The following TUBGCP2 variants were observed in gnomAD, a reference collection of about 807,000 sequenced individuals.
TUBGCP2 encodes tubulin gamma complex component 2.
TUBGCP2 carries 55 observed loss-of-function variants against 92.2 expected under a neutral mutation model. The ratio of observed to expected loss-of-function variants is 0.60; its 90% CI spans 0.48 to 0.75. TUBGCP2 has a LOEUF of 0.75. TUBGCP2 is among the 30% of genes least tolerant of loss of function. TUBGCP2 has a pLI of 0.00. For missense variants in TUBGCP2, 1,093 were observed against 1,188.9 expected, an observed-to-expected ratio of 0.92 and a Z score of 1.19; for synonymous variants, 533 against 505.2, an observed-to-expected ratio of 1.06 and a Z score of -0.74.
At position 133,285,198 on chromosome 10, in the gene TUBGCP2, G is replaced by A. The variant is rs752405920; in HGVS notation, c.1911C>T (p.Arg637=). Residue 637 remains arginine (R), a synonymous_variant, in exon 13 of 18, where the codon CGC becomes CGT. Coordinates refer to ENST00000252936, the MANE Select transcript of TUBGCP2 (RefSeq NM_006659.4). The surrounding 1 kb of genome is among the most constrained non-coding windows in gnomAD (Gnocchi z 6.8). ...ACATGTGCCTGAAGAGCATCTGGTA[G>A]CGAGTGAGGGCTTTCCTGCAAGAGA... ...SLIINRKALT[R]YQMLFRHMFY... The A allele has an allele frequency of 6.2e-7, 1 of 1,612,780 alleles. No individual in the cohort carries two copies. The highest frequency in any genetic ancestry group is 1.1e-5 in the South Asian group (1 of 91,058).
chr10:133,310,097 T>G, upstream of TUBGCP2: 2 of 1,611,534 alleles, frequency 1.2e-6, no homozygotes, highest in South Asian at 1.1e-5. Flanking sequence ...TTGGCAGCTC[T>G]GCTACGGGGG....
At chr10:133,293,515 C>T (rs1847414026) in intron 6 of TUBGCP2, 47 bp downstream of exon 6, 2 of 1,538,430 alleles carry the variant, frequency 1.3e-6, no homozygotes, top group East Asian at 4.9e-5. Flanking sequence ...GACCTAACCC[C>T]TCCCCCACAA....
intron 1 of TUBGCP2, chr10:133,308,380 C>T (rs1847879286): frequency 6.6e-6 from 1 of 152,244 alleles, no homozygotes; most frequent in Admixed American, 6.5e-5. Flanking sequence ...ACTAAAGTAA[C>T]GGGAAGTCAC....
At chr10:133,308,909 TG>T, upstream of TUBGCP2, 4 of 1,209,038 alleles carry the variant, frequency 3.3e-6, no homozygotes, top group Non-Finnish European at 4.1e-6. Flanking sequence ...TCGCGGACGG[TG>T]GCCGACAGGC....
upstream of TUBGCP2, chr10:133,312,133 G>T: frequency 6.9e-7 from 1 of 1,439,068 alleles, no homozygotes; most frequent in Non-Finnish European, 9.1e-7. Context: ...AGTTGCTTCA[G>T]TCACAACCCA....
upstream of TUBGCP2, chr10:133,312,215 C>T (rs1018020429): frequency 6.5e-6 from 9 of 1,391,432 alleles, no homozygotes; most frequent in South Asian, 4.7e-5. Flanking sequence ...GCGTTTCTAG[C>T]GTCACCTGTG....
rs1847093940 is a variant in TUBGCP2 at position 133,285,013 on chromosome 10, G to A, written c.2024+72C>T. 1.1e-5 allele frequency: 17 copies of A among 1,523,798 alleles called. No individual in the cohort carries two copies. The highest frequency in any genetic ancestry group is 6.3e-5 in the South Asian group (5 of 78,824). The allele number at this position is 1,523,798 out of a possible 1,614,324, so 94.4% of individuals were successfully genotyped here. A position where few individuals can be genotyped will look rare whatever the true frequency, so the allele number is the denominator to read the frequency against. ...TGTCTACCAGGAGGGCACAAGGGGG[G>A]CGCTGCACCACTGGGCAGAGTGCAG... On this transcript the variant is annotated intron_variant, in intron 13 of 17. Coordinates refer to ENST00000252936, the MANE Select transcript of TUBGCP2 (RefSeq NM_006659.4). The surrounding 1 kb of genome is among the most constrained non-coding windows in gnomAD (Gnocchi z 6.8).
chr10:133,308,293 C>A (rs1847876618), intron 1 of TUBGCP2, among the ~76,000 whole-genome samples: 1 of 152,244 alleles, frequency 6.6e-6, no homozygotes, highest in African/African-American at 2.4e-5. Context: ...GCACCTAGCA[C>A]AGGTCCTGTG....
chr10:133,294,766 C>A (rs1328774562), intron 5 of TUBGCP2, among the ~76,000 whole-genome samples: 2 of 152,148 alleles, frequency 1.3e-5, no homozygotes, highest in Non-Finnish European at 2.9e-5. Context: ...CTGGCACGTG[C>A]CACCATTCCT....
chr10:133,309,517 C>A, upstream of TUBGCP2: 2 of 1,563,688 alleles, frequency 1.3e-6, no homozygotes, highest in African/African-American at 1.4e-5. Flanking sequence ...CCTCCCTGAC[C>A]GGTGCCTGGT....
chr10:133,309,339 T>C (rs747937413), upstream of TUBGCP2: 12 of 1,582,222 alleles, frequency 7.6e-6, no homozygotes, highest in Middle Eastern at 4.2e-4. Context: ...CCTGACGCGG[T>C]GGGCGTGCCG....
upstream of TUBGCP2, chr10:133,310,103 G>A (rs2136152105): frequency 5.0e-6 from 8 of 1,611,862 alleles, no homozygotes; most frequent in Middle Eastern, 1.9e-4. Flanking sequence ...GCTCTGCTAC[G>A]GGGGCATGGC....
intron 2 of TUBGCP2, chr10:133,302,551 T>G: frequency 2.1e-6 from 1 of 468,336 alleles, no homozygotes; most frequent in Non-Finnish European, 3.9e-6. Context: ...ATCCTGCACA[T>G]GGACTGAGGG....
At chr10:133,280,007 C>T (rs41299173) in intron 17 of TUBGCP2, 106 bp from the exon 18 acceptor site, 87,702 of 1,493,860 alleles carry the variant, frequency 0.059, 2,945 homozygotes, top group Middle Eastern at 0.084. Flanking sequence ...ACCCCTTCTG[C>T]GGGTGCGTGC....
At chr10:133,300,174 A>G in intron 2 of TUBGCP2, 61 bp from the exon 3 acceptor site, 1 of 1,569,290 alleles carries the variant, frequency 6.4e-7, no homozygotes, top group Admixed American at 2.0e-5. Flanking sequence ...GTAAAAAAAA[A>G]CCTTTACGAA....
In TUBGCP2 at chr10:133,285,529, G is replaced by C; in HGVS notation, c.1822C>G (p.Leu608Val). The change falls in exon 12 of 18, where the codon CTG becomes GTG. Residue 608 changes from leucine to valine, a missense_variant. Coordinates refer to ENST00000252936, the MANE Select transcript of TUBGCP2 (RefSeq NM_006659.4). The surrounding 1 kb of genome is among the most constrained non-coding windows in gnomAD (Gnocchi z 6.8). Reference sequence around the variant, plus strand: ...AAGGCCTCCAGGCCGCTCAGCGCCAGCTCCGTGGGGTCGGCGTGCGCCATC... The same window carrying C: ...AAGGCCTCCAGGCCGCTCAGCGCCACCTCCGTGGGGTCGGCGTGCGCCATC... ...KAMAHADPTELALSGLEAFSF... is the reference protein window; with the variant it reads ...KAMAHADPTEVALSGLEAFSF... 1 of 1,601,350 alleles carries C rather than the reference G, an allele frequency of 6.2e-7. No individual in the cohort carries two copies. Among genetic ancestry groups the C allele is most frequent in the South Asian group, 1.1e-5 (1 of 90,366 alleles).
At chr10:133,281,727 G>A (rs111245506) in intron 16 of TUBGCP2, among the ~76,000 whole-genome samples, 12 of 152,226 alleles carry the variant, frequency 7.9e-5, no homozygotes, top group African/African-American at 2.4e-4. Flanking sequence ...AGGTCGGGGC[G>A]CCTCTCAGTG....
chr10:133,308,146 C>A (rs1296899965), intron 1 of TUBGCP2, among the ~76,000 whole-genome samples: 2 of 152,206 alleles, frequency 1.3e-5, no homozygotes, highest in Non-Finnish European at 2.9e-5. Flanking sequence ...CCATTCTCTG[C>A]AGTAGATCTG....
chr10:133,283,569 G>T (rs1013279004), intron 14 of TUBGCP2, among the ~76,000 whole-genome samples: 15 of 152,364 alleles, frequency 9.8e-5, no homozygotes, highest in African/African-American at 3.6e-4. Context: ...ACGGCAGGCA[G>T]CAAGGGGTCC....
Sources: allele counts gnomAD v4.1 joint callset (sites outside exome capture counted in the v4.1 genomes callset), GRCh38; gene constraint gnomAD v4.1.1; non-coding constraint Gnocchi (gnomAD v3.1); transcripts MANE v1.5; gene names NCBI Gene and HGNC (gene_info 2026-07-23, HGNC 2026-07-21).